Variants in PTPRN2 observed in about 807,000 individuals in gnomAD.
The protein encoded by PTPRN2 is receptor-type tyrosine-protein phosphatase N2.
A neutral mutation model predicts 118.8 loss-of-function variants in PTPRN2; 74 were observed. That is an observed-to-expected ratio of 0.62 (90% CI 0.52 to 0.76). The LOEUF is 0.76. Ranked by LOEUF, PTPRN2 falls within the 30% of genes least tolerant of loss-of-function variation. The pLI, the probability that PTPRN2 is intolerant of heterozygous loss-of-function variation, is 0.00. For missense variants in PTPRN2, 1,481 were observed against 1,394.4 expected, an observed-to-expected ratio of 1.06 and a Z score of -0.99; for synonymous variants, 641 against 608.0, an observed-to-expected ratio of 1.05 and a Z score of -0.80.
intron 6 of PTPRN2, among the ~76,000 whole-genome samples, chr7:158,149,067 T>C (rs1466667490): frequency 4.4e-5 from 5 of 114,372 alleles, no homozygotes; most frequent in East Asian, 2.6e-4. Context: ...TCATGCCACG[T>C]GTCATTCCCC....
intron 10 of PTPRN2, among the ~76,000 whole-genome samples, chr7:158,098,732 T>G (rs1325351331): frequency 2.0e-5 from 3 of 151,976 alleles, no homozygotes; most frequent in African/African-American, 7.3e-5. Flanking sequence ...GACGTTTATC[T>G]CGTGAACGCG....
chr7:157,734,255 C>T (rs1159666899), intron 12 of PTPRN2, among the ~76,000 whole-genome samples: 4 of 77,032 alleles, frequency 5.2e-5, no homozygotes, highest in African/African-American at 1.3e-4. Flanking sequence ...CACACTCTTC[C>T]GTCCCATGTG....
At chr7:158,545,706 A>C (rs1826237869) in intron 1 of PTPRN2, among the ~76,000 whole-genome samples, 1 of 152,100 alleles carries the variant, frequency 6.6e-6, no homozygotes, top group South Asian at 2.1e-4. Flanking sequence ...TTCCTTCAAA[A>C]TTTCAAATCT....
chr7:157,635,715 A>G (rs1804271717), intron 14 of PTPRN2, among the ~76,000 whole-genome samples: 1 of 151,540 alleles, frequency 6.6e-6, no homozygotes, highest in Non-Finnish European at 1.5e-5. Flanking sequence ...TTATTTTCTT[A>G]GCCTTAGCTG....
chr7:157,697,284 T>C (rs1448610219), intron 12 of PTPRN2, among the ~76,000 whole-genome samples: 1 of 144,860 alleles, frequency 6.9e-6, no homozygotes, highest in Admixed American at 6.8e-5. Flanking sequence ...CCTCACCATC[T>C]ACCCATGCAT....
At chr7:158,304,491 A>G (rs951592264) in intron 3 of PTPRN2, among the ~76,000 whole-genome samples, 3 of 148,348 alleles carry the variant, frequency 2.0e-5, no homozygotes, top group Non-Finnish European at 4.6e-5. Context: ...GGATTTCTAC[A>G]TTCTAGGGAG....
intron 12 of PTPRN2, among the ~76,000 whole-genome samples, chr7:157,770,168 T>C (rs1038848965): frequency 6.6e-6 from 1 of 152,226 alleles, no homozygotes; most frequent in African/African-American, 2.4e-5. Flanking sequence ...GCACCCTTAA[T>C]TCTATTTGTT....
intron 11 of PTPRN2, among the ~76,000 whole-genome samples, chr7:157,910,802 A>G (rs1477895777): frequency 6.6e-6 from 1 of 152,272 alleles, no homozygotes; most frequent in Non-Finnish European, 1.5e-5. Flanking sequence ...ACTGCGCGGC[A>G]ACAACACAAA....
intron 5 of PTPRN2, among the ~76,000 whole-genome samples, chr7:158,190,346 G>A (rs549596933): frequency 1.3e-4 from 20 of 152,222 alleles, no homozygotes; most frequent in Non-Finnish European, 2.1e-4. Context: ...CGCACCAGAC[G>A]TGCTTAGTTG....
In PTPRN2 at chr7:157,994,923, T is replaced by C. The variant is rs4716870; in HGVS notation, c.1723+86375A>G. Among the ~76,000 whole-genome samples, 13 of 9,392 alleles carry C rather than the reference T, an allele frequency of 1.4e-3. 3 individuals carry two copies. Among genetic ancestry groups the C allele is most frequent in the Non-Finnish European group, 1.7e-3 (9 of 5,194 alleles). The allele number at this position is 9,392 out of a possible 152,430, so 6.2% of individuals were successfully genotyped here. ...CAACTCCTTGTTCCTAAATCAACGC[T>C]GCGTCCCCAGCTTACAACTCCTTGT... On this transcript the variant is annotated intron_variant, in intron 11 of 22. Coordinates refer to ENST00000389418, the MANE Select transcript of PTPRN2 (RefSeq NM_002847.5).
chr7:158,054,621 G>A (rs1374151107), intron 11 of PTPRN2, among the ~76,000 whole-genome samples: 1 of 152,218 alleles, frequency 6.6e-6, no homozygotes, highest in Non-Finnish European at 1.5e-5. Flanking sequence ...TGGCAACCAG[G>A]AGAGGCCCTT....
intron 1 of PTPRN2, among the ~76,000 whole-genome samples, chr7:158,558,215 G>A (rs529676023): frequency 2.4e-4 from 37 of 152,230 alleles, no homozygotes; most frequent in Admixed American, 1.7e-3. Context: ...TGAACTCCTG[G>A]CCTCAAGCAA....
chr7:158,360,007 A>T (rs1387808263), intron 2 of PTPRN2, among the ~76,000 whole-genome samples: 5 of 151,968 alleles, frequency 3.3e-5, no homozygotes, highest in African/African-American at 9.7e-5. Flanking sequence ...CGGACGCTGC[A>T]TCCTTCCTCA....
In PTPRN2 at chr7:158,526,705, C is replaced by T. The variant is rs1824807310; in HGVS notation, c.113-36920G>A. 1.3e-5 allele frequency among the ~76,000 whole-genome samples: 2 copies of T among 151,958 alleles called. No individual in the cohort carries two copies. Among genetic ancestry groups the T allele is most frequent in the African/African-American group, 4.8e-5 (2 of 41,346 alleles). ...GGCCCGGATCCAGGCTGACTGGGTC[C>T]TTATGGAGGAGGAGGTGAGGACACA... On this transcript the variant is annotated intron_variant, in intron 1 of 22. Coordinates refer to ENST00000389418, the MANE Select transcript of PTPRN2 (RefSeq NM_002847.5). This position sits in a 1 kb window ranked among gnomAD's most constrained non-coding sequence, Gnocchi z 5.2.
At chr7:157,768,464 C>T (rs1000703359) in intron 12 of PTPRN2, among the ~76,000 whole-genome samples, 5 of 152,144 alleles carry the variant, frequency 3.3e-5, no homozygotes, top group Non-Finnish European at 5.9e-5. Flanking sequence ...CCCACGCTGG[C>T]CTCCCGTTCC....
rs539467286 is a variant in PTPRN2, at chr7:157,651,970, G to A, written c.2196+4387C>T. ...ACTCAGCTTCTTCCAGACAGTCCAA[G>A]GCAGGGGCACGGACTGCACCTTCCC... On this transcript the variant is annotated intron_variant, in intron 14 of 22. Transcript: ENST00000389418. Among the ~76,000 whole-genome samples, 37 of 152,330 alleles carry A rather than the reference G, an allele frequency of 2.4e-4. No individual in the cohort carries two copies. The East Asian group carries it at 4.3e-3, about 18-fold the overall frequency.
intron 11 of PTPRN2, among the ~76,000 whole-genome samples, chr7:158,077,631 A>G (rs1812478703): frequency 6.6e-6 from 1 of 151,650 alleles, no homozygotes; most frequent in Non-Finnish European, 1.5e-5. Context: ...ATGTTTGAAG[A>G]AACAGCCTGA....
intron 11 of PTPRN2, among the ~76,000 whole-genome samples, chr7:158,050,155 TC>T (rs1412509664): frequency 2.0e-5 from 3 of 152,204 alleles, no homozygotes; most frequent in Non-Finnish European, 4.4e-5. Context: ...TGAAGTGGCC[TC>T]AGAAAGGTTA....
chr7:158,493,925 A>C (rs1031851632), intron 1 of PTPRN2, among the ~76,000 whole-genome samples: 4 of 152,288 alleles, frequency 2.6e-5, no homozygotes, highest in African/African-American at 9.6e-5. Flanking sequence ...GCACACGTAC[A>C]TGGGTACACT....
Sources: gnomAD v4.1 joint callset for allele counts (sites outside exome capture counted in the v4.1 genomes callset) on GRCh38, gnomAD v4.1.1 for gene constraint, Gnocchi (gnomAD v3.1) non-coding constraint, MANE v1.5 for transcripts, NCBI Gene and HGNC (gene_info 2026-07-23, HGNC 2026-07-21) for gene names.